The following IKZF3 variants were observed in gnomAD, a reference collection of about 807,000 sequenced individuals.
The protein encoded by IKZF3 is IKAROS family zinc finger 3.
In IKZF3, 10 loss-of-function variants were observed where a neutral mutation model predicts 49.0. That is an observed-to-expected ratio of 0.20 (90% CI 0.13 to 0.35). The LOEUF is 0.35. Ranked by LOEUF, IKZF3 falls within the 10% of genes least tolerant of loss-of-function variation. The pLI is 1.00. For synonymous variants in IKZF3, 209 were observed against 228.2 expected (o/e 0.92, Z 0.76); for missense variants, 498 against 664.8 (o/e 0.75, Z 2.76).
At chr17:39,808,912 C>T (rs2061492163) in intron 3 of IKZF3, among the ~76,000 whole-genome samples, 1 of 152,160 alleles carries the variant, frequency 6.6e-6, no homozygotes, top group Admixed American at 6.5e-5. Context: ...GGAGGTATGA[C>T]CACAGCCTAG....
chr17:39,833,539 G>A (rs1048451403), intron 1 of IKZF3, among the ~76,000 whole-genome samples: 4 of 152,068 alleles, frequency 2.6e-5, no homozygotes, highest in Non-Finnish European at 4.4e-5. Flanking sequence ...TATTTTGCCC[G>A]AGGCTTCTTT....
At chr17:39,828,644 C>A (rs939822309) in intron 3 of IKZF3, among the ~76,000 whole-genome samples, 4 of 152,158 alleles carry the variant, frequency 2.6e-5, no homozygotes, top group African/African-American at 7.2e-5. Context: ...CTGTGCAGTA[C>A]TGTGAGACTG....
At chr17:39,863,898 AT>A in intron 1 of IKZF3, among the ~76,000 whole-genome samples, 1 of 152,228 alleles carries the variant, frequency 6.6e-6, no homozygotes, top group Non-Finnish European at 1.5e-5. Context: ...CTCTTTAGAA[AT>A]AAAATTGCGA....
At chr17:39,781,772 G>A (rs1048662052) in intron 6 of IKZF3, among the ~76,000 whole-genome samples, 2 of 152,194 alleles carry the variant, frequency 1.3e-5, no homozygotes, top group African/African-American at 4.8e-5. Context: ...AAACTTTTGA[G>A]ATAACATCAC....
chr17:39,859,636 G>A (rs556769399), intron 1 of IKZF3, among the ~76,000 whole-genome samples: 4 of 151,820 alleles, frequency 2.6e-5, no homozygotes, highest in South Asian at 2.1e-4. Context: ...CAATCTGCCC[G>A]CCTCAGCCTC....
At chr17:39,834,407 G>T (rs1310666462) in intron 1 of IKZF3, among the ~76,000 whole-genome samples, 1 of 152,138 alleles carries the variant, frequency 6.6e-6, no homozygotes, top group East Asian at 1.9e-4. Flanking sequence ...AAGTTTTCCT[G>T]TAAGCATTGC....
intron 3 of IKZF3, among the ~76,000 whole-genome samples, chr17:39,828,725 A>G (rs564235581): frequency 6.6e-6 from 1 of 152,198 alleles, no homozygotes; most frequent in South Asian, 2.1e-4. Context: ...TGGGCTGGGT[A>G]TGGTGGTTCA....
intron 3 of IKZF3, among the ~76,000 whole-genome samples, chr17:39,799,588 A>G (rs1425133863): frequency 3.9e-5 from 6 of 152,212 alleles, no homozygotes; most frequent in Non-Finnish European, 8.8e-5. Context: ...TTAGAAATAC[A>G]GGTGCTCAGG....
intron 3 of IKZF3, among the ~76,000 whole-genome samples, chr17:39,800,649 C>T (rs542583248): frequency 1.1e-4 from 16 of 152,210 alleles, no homozygotes; most frequent in South Asian, 6.2e-4. Context: ...ATGACACACA[C>T]GAACACACAC....
intron 3 of IKZF3, among the ~76,000 whole-genome samples, chr17:39,813,769 A>C (rs1345179176): frequency 1.3e-5 from 2 of 152,254 alleles, no homozygotes; most frequent in Non-Finnish European, 2.9e-5. Flanking sequence ...GAACTTCTGC[A>C]GCACAGCACT....
chr17:39,819,531 A>G (rs1221006992), intron 3 of IKZF3, among the ~76,000 whole-genome samples: 2 of 152,214 alleles, frequency 1.3e-5, no homozygotes, highest in Admixed American at 1.3e-4. Flanking sequence ...CTGTGGTTAA[A>G]AACTGGTACA....
intron 3 of IKZF3, 97 bp downstream of exon 3, chr17:39,829,290 C>T (rs902124443): frequency 7.4e-6 from 6 of 807,278 alleles, no homozygotes; most frequent in Non-Finnish European, 1.2e-5. Context: ...ACTAAACCTA[C>T]AATTGCAAGT....
chr17:39,768,855 A>G (rs1205126315), intron 7 of IKZF3, among the ~76,000 whole-genome samples: 1 of 152,238 alleles, frequency 6.6e-6, no homozygotes, highest in East Asian at 1.9e-4. Flanking sequence ...GAAGGTAACT[A>G]TGAAAAATAA....
chr17:39,859,718 T>C (rs2063164509), intron 1 of IKZF3, among the ~76,000 whole-genome samples: 1 of 152,308 alleles, frequency 6.6e-6, no homozygotes, highest in South Asian at 2.1e-4. Flanking sequence ...TTATCATAAA[T>C]ATACCAGTTA....
chr17:39,787,707 C>G (rs2060906746), intron 6 of IKZF3, among the ~76,000 whole-genome samples: 1 of 152,166 alleles, frequency 6.6e-6, no homozygotes, highest in Non-Finnish European at 1.5e-5. Flanking sequence ...CAACCTTGCC[C>G]CAAATACAAT....
At chr17:39,827,709 A>T (rs1055328355) in intron 3 of IKZF3, among the ~76,000 whole-genome samples, 1 of 152,228 alleles carries the variant, frequency 6.6e-6, no homozygotes, top group Non-Finnish European at 1.5e-5. Context: ...CCAGAACAGA[A>T]GATATTGCAC....
rs1165021841 is a variant in IKZF3 at position 39,850,775 on chromosome 17, TA to T, written c.7+13344del. On this transcript the variant is annotated intron_variant, in intron 1 of 7. Transcript: ENST00000346872. ...TATACTATATATTATATATAATATA[TA>T]GTATATATACATATCTAATATGCTA... Among the ~76,000 whole-genome samples, 387 of 119,738 alleles carry T rather than the reference TA, an allele frequency of 3.2e-3. 4 individuals are homozygous for T. The highest frequency in any genetic ancestry group is 0.012 in the African/African-American group (365 of 29,360). The allele number at this position is 119,738 out of a possible 152,430, so 78.6% of individuals were successfully genotyped here.
At chr17:39,839,271 C>T in intron 1 of IKZF3, 1 of 380,590 alleles carries the variant, frequency 2.6e-6, no homozygotes, top group South Asian at 3.0e-5. Context: ...AAAACATGTT[C>T]AACTCTCCAG....
At chr17:39,796,537 CCTTT>C (rs2061166857) in intron 3 of IKZF3, among the ~76,000 whole-genome samples, 2 of 149,670 alleles carry the variant, frequency 1.3e-5, no homozygotes, top group South Asian at 2.1e-4. Context: ...TCTCAACATT[CCTTT>C]CTTTTTTTTT....
Sources: gnomAD v4.1 joint callset for allele counts (sites outside exome capture counted in the v4.1 genomes callset) on GRCh38, gnomAD v4.1.1 for gene constraint, MANE v1.5 for transcripts, NCBI Gene and HGNC (gene_info 2026-07-23, HGNC 2026-07-21) for gene names.